Variants in UBA1 observed in about 807,000 individuals in gnomAD.
UBA1 encodes ubiquitin-like modifier-activating enzyme 1.
Under a neutral mutation model 84.7 loss-of-function variants are expected in UBA1, and 4 were observed. That is an observed-to-expected ratio of 0.05 (90% confidence interval 0.02 to 0.11). The LOEUF (loss-of-function observed/expected upper bound fraction) is 0.11, where lower values mean the gene tolerates loss of function less well. UBA1 is among the 10% of genes least tolerant of loss of function. The probability of loss-of-function intolerance (pLI) is 1.00; values close to 1 mark genes in which losing one functional copy is unlikely to be tolerated. For missense variants in UBA1, 513 were observed against 902.8 expected (o/e 0.57, Z 5.53); for synonymous variants, 364 against 362.6 (o/e 1.00, Z -0.04).
At chrX:47,209,432 G>A in intron 16 of UBA1, 191 bp from the exon 17 acceptor site, 2 of 527,568 alleles carry the variant, frequency 3.8e-6, no homozygotes, top group East Asian at 3.6e-5. Context: ...GGGATTACAG[G>A]TGTGAGCTAC....
rs1041917636 is a variant in UBA1 at position 47,214,648 on chromosome X, C to T, written c.3041+11C>T. The T allele has an allele frequency of 1.2e-5, 14 of 1,204,874 alleles. No individual in the cohort carries two copies. The highest frequency in any genetic ancestry group is 1.5e-5 in the Non-Finnish European group (13 of 891,057). ...ACGGTTGGATCAGCCGTGAGTTGGA[C>T]ACTGGCCAGGCTAGGGGAGGCCCTG... On this transcript the variant is annotated intron_variant, in intron 25 of 25. Transcript: ENST00000335972.
intron 14 of UBA1, chrX:47,205,704 AT>A: frequency 2.3e-6 from 1 of 428,086 alleles, no homozygotes. Flanking sequence ...AAATACAAAA[AT>A]TAGCCACGCA....
At chrX:47,203,358 C>A in intron 13 of UBA1, 144 bp downstream of exon 13, 1 of 827,753 alleles carries the variant, frequency 1.2e-6, no homozygotes. Context: ...GTGCATCCCT[C>A]GTTTCCCCTT....
At position 47,203,173 on chromosome X, in the gene UBA1, T is replaced by C. The variant is rs1352099164; in HGVS notation, c.1378T>C (p.Ser460Pro). Reference sequence around the variant, plus strand: ...TGACGGGCAAGTGGCTGTGTTTGGCTCAGACCTGCAAGAGAAGCTGGGCAA... The same window carrying C: ...TGACGGGCAAGTGGCTGTGTTTGGCCCAGACCTGCAAGAGAAGCTGGGCAA... ...RYDGQVAVFGSDLQEKLGKQK... is the reference protein window; with the variant it reads ...RYDGQVAVFGPDLQEKLGKQK... The change falls in exon 13 of 26, where the codon TCA becomes CCA. Residue 460 changes from serine (S) to proline (P), a missense_variant. By Grantham distance (74) the Ser-to-Pro change is moderately conservative. This residue lies in a region of UBA1 where 227 missense variants were observed against 339.1 expected (regional missense o/e 0.67). Coordinates refer to ENST00000335972, the MANE Select transcript of UBA1 (RefSeq NM_003334.4). The C allele has an allele frequency of 3.3e-6, 4 of 1,210,459 alleles. No individual in the cohort carries two copies. Among genetic ancestry groups the C allele is most frequent in the Non-Finnish European group, 4.5e-6 (4 of 895,325 alleles).
chrX:47,195,486 G>T, intron 1 of UBA1, among the ~76,000 whole-genome samples: 1 of 111,126 alleles, frequency 9.0e-6, no homozygotes, highest in Non-Finnish European at 1.9e-5. Flanking sequence ...CCTGACCTCA[G>T]GTGATCCACC....
chrX:47,194,132 G>A (rs1936112738), intron 1 of UBA1, 108 bp downstream of exon 1: 2 of 112,240 alleles, frequency 1.8e-5, no homozygotes, highest in South Asian at 7.3e-4. Context: ...TGACTCGGGA[G>A]CCAGGAATCA....
intron 14 of UBA1, chrX:47,204,893 A>T (rs1246396648): frequency 8.9e-6 from 1 of 111,886 alleles, no homozygotes; most frequent in Non-Finnish European, 1.9e-5. Context: ...TGTTTTAGGT[A>T]TTGGGGATAT....
At chrX:47,199,156 G>A (rs1184762321) in intron 3 of UBA1, 50 bp downstream of exon 3, 3 of 1,211,031 alleles carry the variant, frequency 2.5e-6, no homozygotes, top group Non-Finnish European at 2.2e-6. Flanking sequence ...GACATTGAGA[G>A]GATAAGGTTG....
chrX:47,197,045 A>C, intron 1 of UBA1: 1 of 699,501 alleles, frequency 1.4e-6, no homozygotes, highest in Non-Finnish European at 1.7e-6. Context: ...GAGTCAGTAA[A>C]TGGAAAATAT....
chrX:47,210,013 C>T lies in UBA1; in HGVS notation c.2089C>T (p.Leu697=). Reference sequence around the variant, plus strand: ...GGAGGCTGTGCAGCGCAGCCTGGTGCTGCAGCGACCACAGACCTGGGCTGA... The same window carrying T: ...GGAGGCTGTGCAGCGCAGCCTGGTGTTGCAGCGACCACAGACCTGGGCTGA... ...VLEAVQRSLV[L]QRPQTWADCV... Residue 697 remains leucine (L), a synonymous_variant, in exon 18 of 26, where the codon CTG becomes TTG. Coordinates refer to ENST00000335972, the MANE Select transcript of UBA1 (RefSeq NM_003334.4). 8.2e-7 allele frequency: 1 copy of T among 1,212,231 alleles called. No homozygotes were observed. The highest frequency in any genetic ancestry group is 1.1e-6 in the Non-Finnish European group (1 of 895,557).
chrX:47,203,509 A>G (rs1556789341), intron 13 of UBA1, 32 bp from the exon 14 acceptor site: 1 of 1,210,556 alleles, frequency 8.3e-7, no homozygotes, highest in Non-Finnish European at 1.1e-6. Flanking sequence ...CACCCTGACC[A>G]GCCTCTGCCT....
At chrX:47,211,281 C>G (rs1057338930) in intron 20 of UBA1, 56 bp downstream of exon 20, 8 of 1,150,313 alleles carry the variant, frequency 7.0e-6, no homozygotes, top group Non-Finnish European at 9.4e-6. Flanking sequence ...CGGCCTAGTC[C>G]AGCCTCCCCA....
In UBA1 at chrX:47,210,898, C is replaced by T. The variant is rs1602654149; in HGVS notation, c.2256C>T (p.Leu752=). 2 of 1,211,432 alleles carry T rather than the reference C, an allele frequency of 1.7e-6. No homozygotes were observed. Among genetic ancestry groups the T allele is most frequent in the Non-Finnish European group, 2.2e-6 (2 of 895,298 alleles). The change falls in exon 19 of 26, where the codon CTC becomes CTT. Residue 752 remains leucine, a synonymous_variant. Transcript: ENST00000335972. The stretch of plus-strand genomic sequence containing the variant: ...GGCCCAAACGCTGTCCACACCCGCT[C>T]ACCTTTGATGTCAACAATGTAAGTC... ...WSGPKRCPHP[L]TFDVNNPLHL...
upstream of UBA1, among the ~76,000 whole-genome samples, chrX:47,192,499 A>G (rs2147235586): frequency 9.0e-6 from 1 of 110,843 alleles, no homozygotes; most frequent in East Asian, 2.8e-4. Flanking sequence ...ATATCTTAAC[A>G]TATTACTTTT....
In UBA1 at chrX:47,200,968, G is replaced by A; in HGVS notation, c.555G>A (p.Lys185=). 1 of 1,204,586 alleles carries A rather than the reference G, an allele frequency of 8.3e-7. No individual in the cohort carries two copies. Among genetic ancestry groups the A allele is most frequent in the South Asian group, 1.8e-5 (1 of 55,481 alleles). The change falls in exon 6 of 26, where the codon AAG becomes AAA. Residue 185 remains lysine (K), a synonymous_variant. Coordinates refer to ENST00000335972, the MANE Select transcript of UBA1 (RefSeq NM_003334.4). ...VGEFCHNRGI[K]LVVADTRGLF... ...AGTTCTGTCACAACCGTGGCATCAA[G>A]CTGGTGGTGGCAGACACGCGGGGCC...
At chrX:47,202,101 T>C (rs1936437055) in intron 8 of UBA1, 55 bp from the exon 9 acceptor site, 3 of 1,012,206 alleles carry the variant, frequency 3.0e-6, no homozygotes, top group Non-Finnish European at 4.1e-6. Context: ...CTTGCAGGGG[T>C]TGTGGATTTT....
At chrX:47,198,031 G>A in intron 1 of UBA1, 1 of 892,606 alleles carries the variant, frequency 1.1e-6, no homozygotes, top group South Asian at 2.6e-5. Context: ...TCCGCATGCA[G>A]ATGAGGCTTG....
chrX:47,200,085 T>C (rs1241219591), intron 5 of UBA1, among the ~76,000 whole-genome samples: 1 of 111,481 alleles, frequency 9.0e-6, no homozygotes. Context: ...GCACCCGGCC[T>C]GGCCCCGCCT....
At chrX:47,204,439 A>G (rs1399138404) in intron 14 of UBA1, among the ~76,000 whole-genome samples, 2 of 111,547 alleles carry the variant, frequency 1.8e-5, no homozygotes, top group Non-Finnish European at 3.8e-5. Context: ...AACAAGGTGT[A>G]ACAAGACATG....
Sources: allele counts gnomAD v4.1 joint callset (sites outside exome capture counted in the v4.1 genomes callset), GRCh38; gene constraint gnomAD v4.1.1; regional missense constraint gnomAD v4.1.1; transcripts MANE v1.5; gene names NCBI Gene and HGNC (gene_info 2026-07-23, HGNC 2026-07-21).